TDRD5: variants seen among roughly 807,000 people sequenced by gnomAD.
TDRD5 encodes tudor domain containing 5, also known as tudor domain-containing protein 5.
In TDRD5, 41 loss-of-function variants were observed where a neutral mutation model predicts 120.6. The observed-to-expected ratio is 0.34, with a 90% CI of 0.26 to 0.44. The LOEUF is 0.44. Ranked by LOEUF, TDRD5 falls within the 20% of genes least tolerant of loss-of-function variation. The probability of loss-of-function intolerance (pLI) is 1.00; values close to 1 mark genes in which losing one functional copy is unlikely to be tolerated. For synonymous variants in TDRD5, 430 were observed against 433.7 expected (o/e 0.99, Z 0.11); for missense variants, 1,006 against 1,221.2 (o/e 0.82, Z 2.63).
At chr1:179,616,849 C>T (rs550439961) in intron 4 of TDRD5, among the ~76,000 whole-genome samples, 1 of 152,226 alleles carries the variant, frequency 6.6e-6, no homozygotes, top group East Asian at 1.9e-4. Flanking sequence ...CACTTCCCTA[C>T]TTAATTTTAA....
Position 179,662,167 on chromosome 1 carries a change from G to C in TDRD5, c.2386G>C (p.Glu796Gln). 1 of 1,611,248 alleles carries C rather than the reference G, an allele frequency of 6.2e-7. No individual in the cohort carries two copies. Among genetic ancestry groups the C allele is most frequent in the Non-Finnish European group, 8.5e-7 (1 of 1,178,852 alleles). Residue 796 changes from glutamate (E) to glutamine (Q), a missense_variant, in exon 15 of 18, where the codon GAG becomes CAG. Physicochemically the swap from Glu to Gln is conservative, Grantham distance 29 (BLOSUM62 2). Around this residue, in one of 3 missense-constraint regions of TDRD5, gnomAD observed 403 missense variants for 448.1 expected, o/e 0.90. Coordinates refer to ENST00000444136, the MANE Select transcript of TDRD5 (RefSeq NM_001199085.3). ...GACCATAGGTGATGATATTTGGGAT[G>C]AGAACTGGTTACCTCTACAGGCTAA... Reference protein sequence around the residue: ...SVTIGDDIWDENWLPLQAKMG... With the variant: ...SVTIGDDIWDQNWLPLQAKMG...
At position 179,661,395 on chromosome 1, in the gene TDRD5, TC is replaced by T. The variant is rs1468114881; in HGVS notation, c.2323-703del. ...TGTTTGGTTGTTTTTTTTGTTTTTT[TC>T]CCCCCAATCTTTTTTTCTCTTTTGT... is the stretch of plus-strand genomic sequence containing the variant. On this transcript the variant is annotated intron_variant, in intron 14 of 17. Transcript: ENST00000444136. 3.4e-4 allele frequency among the ~76,000 whole-genome samples: 52 copies of T among 152,142 alleles called. No homozygotes were observed. The East Asian group carries it at 7.1e-3, about 21-fold the overall frequency.
In TDRD5 at chr1:179,638,736, A is replaced by G. The variant is rs1386715675; in HGVS notation, c.1521-1103A>G. ...TGGGAAGGGGAAAAAGAAGTGGGGGATGGGAGATATACCTGTTCTATTGAA... is the reference window on the plus strand; with the variant it reads ...TGGGAAGGGGAAAAAGAAGTGGGGGGTGGGAGATATACCTGTTCTATTGAA... On this transcript the variant is annotated intron_variant, in intron 9 of 17. Transcript: ENST00000444136. 1.6e-5 allele frequency among the ~76,000 whole-genome samples: 2 copies of G among 127,214 alleles called. 1 individual carries two copies. Among genetic ancestry groups the G allele is most frequent in the East Asian group, 4.7e-4 (2 of 4,274 alleles). 83.5% of individuals were successfully genotyped at this position (127,214 alleles called of 152,430 possible).
At chr1:179,673,533 G>A (rs962051933) in intron 17 of TDRD5, among the ~76,000 whole-genome samples, 1 of 152,196 alleles carries the variant, frequency 6.6e-6, no homozygotes, top group African/African-American at 2.4e-5. Context: ...AGGGAGACAT[G>A]AGACATCAAT....
chr1:179,668,228 C>T (rs1158270874), intron 16 of TDRD5, among the ~76,000 whole-genome samples: 2 of 152,190 alleles, frequency 1.3e-5, no homozygotes, highest in Non-Finnish European at 2.9e-5. Flanking sequence ...ATCTTTTTCT[C>T]TCAAACCCTG....
Position 179,592,547 on chromosome 1 carries a change from TA to T in TDRD5, c.-14-52del, listed in dbSNP as rs113708005. On this transcript the variant is annotated intron_variant, in intron 1 of 17. Coordinates refer to ENST00000444136, the MANE Select transcript of TDRD5 (RefSeq NM_001199085.3). ...TTGTATCCCACTATTGGTTTTTTTT[TA>T]AATCTTTTTTCGTGGGTTTGCCCCC... 1,868 of 1,218,962 alleles carry T rather than the reference TA, an allele frequency of 1.5e-3. 1 individual carries two copies. Among genetic ancestry groups the T allele is most frequent in the African/African-American group, 3.3e-3 (222 of 66,378 alleles). The allele number at this position is 1,218,962 out of a possible 1,614,324, so 75.5% of individuals were successfully genotyped here.
intron 14 of TDRD5, among the ~76,000 whole-genome samples, chr1:179,661,459 C>T (rs1170261825): frequency 2.0e-5 from 3 of 151,572 alleles, no homozygotes; most frequent in Non-Finnish European, 4.4e-5. Context: ...TCTTCAAGTT[C>T]ATGCATTCTT....
chr1:179,645,328 G>T (rs1185404253), intron 11 of TDRD5, among the ~76,000 whole-genome samples: 11 of 151,560 alleles, frequency 7.3e-5, no homozygotes, highest in Admixed American at 3.3e-4. Flanking sequence ...CTCGTGATCC[G>T]CCCGCCTCGG....
At chr1:179,611,987 A>G (rs1055874496) in intron 4 of TDRD5, among the ~76,000 whole-genome samples, 1 of 152,182 alleles carries the variant, frequency 6.6e-6, no homozygotes, top group Admixed American at 6.5e-5. Flanking sequence ...ACATAATCCT[A>G]TTTACAAAAA....
rs773154711 is a variant in TDRD5 at position 179,595,816 on chromosome 1, C to G, written c.829C>G (p.Gln277Glu). 1 of 1,598,756 alleles carries G rather than the reference C, an allele frequency of 6.3e-7. No individual in the cohort carries two copies. Among genetic ancestry groups the G allele is most frequent in the Middle Eastern group, 1.7e-4 (1 of 6,018 alleles). ...SRLNHTEKLN[Q>E]LENTFKSVIA... ...ACTGAATCACACTGAAAAATTAAAC[C>G]AGGTGAGAGATAAGAATTTGGAGAT... Residue 277 changes from glutamine to glutamate, a missense_variant and splice_region_variant, in exon 4 of 18, where the codon CAG becomes GAG. By Grantham distance (29) the Gln-to-Glu change is conservative. Around this residue, in one of 3 missense-constraint regions of TDRD5, gnomAD observed 445 missense variants for 515.5 expected, o/e 0.86. Coordinates refer to ENST00000444136, the MANE Select transcript of TDRD5 (RefSeq NM_001199085.3).
intron 6 of TDRD5, among the ~76,000 whole-genome samples, chr1:179,622,448 C>G (rs541152208): frequency 1.1e-4 from 17 of 152,092 alleles, no homozygotes; most frequent in African/African-American, 3.4e-4. Flanking sequence ...AAAAGGTGAT[C>G]AATGGAAATT....
At chr1:179,597,239 G>C (rs1675440530) in intron 4 of TDRD5, among the ~76,000 whole-genome samples, 1 of 151,320 alleles carries the variant, frequency 6.6e-6, no homozygotes, top group South Asian at 2.1e-4. Context: ...GCCGATGTTT[G>C]CTTCTTCATT....
At chr1:179,684,122 T>C (rs1312652743) in intron 17 of TDRD5, among the ~76,000 whole-genome samples, 2 of 152,206 alleles carry the variant, frequency 1.3e-5, no homozygotes, top group African/African-American at 4.8e-5. Flanking sequence ...TATGTATACA[T>C]GTGCCGTGTT....
intron 4 of TDRD5, among the ~76,000 whole-genome samples, chr1:179,597,555 C>T (rs1362951881): frequency 1.3e-5 from 2 of 152,106 alleles, no homozygotes; most frequent in African/African-American, 4.8e-5. Context: ...CGGTCTTGAA[C>T]TCCTGACCTC....
At chr1:179,672,051 T>G (rs1679883434) in intron 17 of TDRD5, among the ~76,000 whole-genome samples, 1 of 151,966 alleles carries the variant, frequency 6.6e-6, no homozygotes, top group African/African-American at 2.4e-5. Flanking sequence ...TTCCATGTTT[T>G]TACCATTACA....
intron 14 of TDRD5, among the ~76,000 whole-genome samples, chr1:179,659,704 T>C (rs1679196006): frequency 6.6e-6 from 1 of 152,044 alleles, no homozygotes; most frequent in African/African-American, 2.4e-5. Flanking sequence ...ATTTATTTAA[T>C]TTATTTTTTT....
chr1:179,658,081 T>C (rs115696275), intron 14 of TDRD5, among the ~76,000 whole-genome samples: 2,017 of 152,304 alleles, frequency 0.013, 56 homozygotes, highest in African/African-American at 0.045. Context: ...AGATCATGTG[T>C]TATTCCTCTT....
intron 17 of TDRD5, 47 bp from the exon 18 acceptor site, chr1:179,690,649 G>A (rs1681095995): frequency 1.3e-6 from 2 of 1,588,558 alleles, no homozygotes; most frequent in Non-Finnish European, 1.7e-6. Context: ...GAGGCAGTGA[G>A]TATGAGTACC....
chr1:179,685,743 G>A (rs12041572), intron 17 of TDRD5, among the ~76,000 whole-genome samples: 50,614 of 151,958 alleles, frequency 0.33, 8,623 homozygotes, highest in Admixed American at 0.41. Flanking sequence ...AGTTCTCCTT[G>A]AAGAGGTCCT....
Sources: gnomAD v4.1 joint callset for allele counts (sites outside exome capture counted in the v4.1 genomes callset) on GRCh38, gnomAD v4.1.1 for gene constraint, gnomAD v4.1.1 regional missense constraint, MANE v1.5 for transcripts, NCBI Gene and HGNC (gene_info 2026-07-23, HGNC 2026-07-21) for gene names.